Variants in POLR1C observed in about 807,000 individuals in gnomAD.
The protein encoded by POLR1C is RNA polymerase I and III subunit C, also known as DNA-directed RNA polymerases I and III subunit RPAC1.
A neutral mutation model predicts 38.3 loss-of-function variants in POLR1C; 42 were observed. The ratio of observed to expected loss-of-function variants is 1.10; its 90% CI spans 0.86 to 1.42. The LOEUF (loss-of-function observed/expected upper bound fraction) is 1.42, where lower values mean the gene tolerates loss of function less well. POLR1C is among the 40% of genes most tolerant of loss of function. POLR1C has a pLI of 0.00. For missense variants in POLR1C, 507 were observed against 450.5 expected (o/e 1.13, Z -1.14); for synonymous variants, 163 against 163.9 (o/e 0.99, Z 0.04).
intron 9 of POLR1C, among the ~76,000 whole-genome samples, chr6:43,543,807 G>C (rs1353218813): frequency 1.3e-5 from 2 of 151,942 alleles, no homozygotes; most frequent in African/African-American, 2.4e-5. Flanking sequence ...CTCCCGAGTA[G>C]CTGGGATTAC....
intron 8 of POLR1C, chr6:43,527,850 G>A: frequency 9.4e-7 from 1 of 1,067,522 alleles, no homozygotes; most frequent in Non-Finnish European, 1.4e-6. Flanking sequence ...TTCGTTTTAT[G>A]CAAAAGTTGG....
intron 10 of POLR1C, among the ~76,000 whole-genome samples, chr6:43,551,996 A>G (rs1297597262): frequency 6.6e-6 from 1 of 152,198 alleles, no homozygotes; most frequent in Non-Finnish European, 1.5e-5. Flanking sequence ...TCTTCTCAGC[A>G]GTGTATTATT....
chr6:43,559,617 T>G (rs1014926861), intron 10 of POLR1C, among the ~76,000 whole-genome samples: 1 of 152,242 alleles, frequency 6.6e-6, no homozygotes, highest in Non-Finnish European at 1.5e-5. Flanking sequence ...TTTTAACCCC[T>G]GAATAGCAAT....
At chr6:43,556,052 G>T in intron 10 of POLR1C, 1 of 1,528,462 alleles carries the variant, frequency 6.5e-7, no homozygotes, top group South Asian at 1.2e-5. Context: ...CCACCCTAGG[G>T]GAAAAGCATT....
intron 8 of POLR1C, chr6:43,526,536 A>C: frequency 1.2e-6 from 1 of 810,010 alleles, no homozygotes. Context: ...AGTATGATGG[A>C]GGCACACAGC....
chr6:43,526,106 A>C (rs1328919005), downstream of POLR1C: 3 of 599,568 alleles, frequency 5.0e-6, no homozygotes, highest in East Asian at 5.7e-5. Context: ...CTAGAGATGC[A>C]CTCAAGCTGT....
chr6:43,526,747 G>A (rs1793619475), intron 8 of POLR1C: 2 of 1,613,536 alleles, frequency 1.2e-6, no homozygotes, highest in African/African-American at 1.3e-5. Flanking sequence ...ACAGCAAACC[G>A]CTAAAGCAAG....
At chr6:43,560,392 A>AGGGTT in intron 10 of POLR1C, 1 of 1,429,036 alleles carries the variant, frequency 7.0e-7, no homozygotes. Flanking sequence ...ACATTTTTTC[A>AGGGTT]TAGAAATAAA....
downstream of POLR1C, chr6:43,521,586 G>A (rs1793193005): frequency 3.1e-6 from 2 of 655,200 alleles, no homozygotes; most frequent in Non-Finnish European, 2.2e-6. Flanking sequence ...GTGCAGTGGT[G>A]CAATCTCAGC....
At chr6:43,554,644 G>A (rs910719581) in intron 10 of POLR1C, among the ~76,000 whole-genome samples, 29 of 151,558 alleles carry the variant, frequency 1.9e-4, no homozygotes, top group Non-Finnish European at 3.7e-4. Flanking sequence ...GGCTGGTCTT[G>A]AACTCCTGAC....
intron 9 of POLR1C, among the ~76,000 whole-genome samples, chr6:43,542,732 T>C (rs1347202501): frequency 2.6e-5 from 4 of 152,114 alleles, no homozygotes; most frequent in Admixed American, 6.6e-5. Flanking sequence ...AGCCAAAAAA[T>C]AGTAATTTAA....
chr6:43,517,360 C>G lies in POLR1C; in HGVS notation c.124C>G (p.Gln42Glu). ...TTCCGGTTATGATGATGCCTGGGAC[C>G]AGGACCGCTTCGAGAAGGTAAGTGG... is the stretch of plus-strand genomic sequence containing the variant. ...NYSGYDDAWD[Q>E]DRFEKNFRVD... Residue 42 changes from glutamine (Q) to glutamate (E), a missense_variant, in exon 2 of 9, where the codon CAG becomes GAG. By Grantham distance (29) the Gln-to-Glu change is conservative. Coordinates refer to ENST00000642195, the MANE Select transcript of POLR1C (RefSeq NM_203290.4). The G allele has an allele frequency of 6.2e-7, 1 of 1,613,992 alleles. No homozygotes were observed. Among genetic ancestry groups the G allele is most frequent in the Non-Finnish European group, 8.5e-7 (1 of 1,179,994 alleles).
chr6:43,524,934 G>T, downstream of POLR1C: 1 of 1,613,856 alleles, frequency 6.2e-7, no homozygotes, highest in Non-Finnish European at 8.5e-7. Context: ...GAAAAGCCAC[G>T]TAACTGCATC....
chr6:43,559,637 G>A (rs907737506), intron 10 of POLR1C, among the ~76,000 whole-genome samples: 2 of 152,140 alleles, frequency 1.3e-5, no homozygotes, highest in African/African-American at 4.8e-5. Flanking sequence ...TTATTACATT[G>A]TATGGTCACT....
downstream of POLR1C, chr6:43,530,534 T>C (rs1793903407): frequency 1.1e-6 from 1 of 895,450 alleles, no homozygotes; most frequent in South Asian, 2.3e-5. Context: ...TTCCCTGCAA[T>C]CTGCCAGTGT....
downstream of POLR1C, chr6:43,533,694 C>G: frequency 6.4e-6 from 2 of 310,954 alleles, no homozygotes; most frequent in South Asian, 6.7e-5. Context: ...TAAAGTTCGT[C>G]TGGCGTTGTG....
chr6:43,561,155 T>G (rs1018196651), intron 10 of POLR1C: 8 of 646,494 alleles, frequency 1.2e-5, no homozygotes, highest in Non-Finnish European at 2.2e-5. Context: ...AAGAAAGGCA[T>G]CACTTCAAGG....
chr6:43,524,020 T>G (rs202110100), downstream of POLR1C: 138 of 1,609,564 alleles, frequency 8.6e-5, 3 homozygotes, highest in East Asian at 2.0e-3. Flanking sequence ...GGAAAACAAA[T>G]GAGAAAGAAT....
At chr6:43,558,668 G>A (rs1185289507) in intron 10 of POLR1C, 3 of 1,112,762 alleles carry the variant, frequency 2.7e-6, no homozygotes, top group Non-Finnish European at 3.8e-6. Context: ...AGGAGTTCAA[G>A]CACTTTTAAT....
Sources: allele counts gnomAD v4.1 joint callset (sites outside exome capture counted in the v4.1 genomes callset), GRCh38; gene constraint gnomAD v4.1.1; transcripts MANE v1.5; gene names NCBI Gene and HGNC (gene_info 2026-07-23, HGNC 2026-07-21).